The following EIF2S1 variants were observed in gnomAD, a reference collection of about 807,000 sequenced individuals.
The protein encoded by EIF2S1 is eukaryotic translation initiation factor 2 subunit 1.
A neutral mutation model predicts 33.5 loss-of-function variants in EIF2S1; 5 were observed. That is an observed-to-expected ratio of 0.15 (90% CI 0.08 to 0.31). The LOEUF (loss-of-function observed/expected upper bound fraction) is 0.31, where lower values mean the gene tolerates loss of function less well. EIF2S1 is among the 10% of genes least tolerant of loss of function. The probability of loss-of-function intolerance (pLI) is 1.00; values close to 1 mark genes in which losing one functional copy is unlikely to be tolerated. For missense variants in EIF2S1, 191 were observed against 384.6 expected (o/e 0.50, Z 4.21); for synonymous variants, 99 against 127.5 (o/e 0.78, Z 1.51).
chr14:67,372,619 A>G (rs530791755), intron 2 of EIF2S1, among the ~76,000 whole-genome samples: 45 of 152,336 alleles, frequency 3.0e-4, no homozygotes, highest in African/African-American at 1.0e-3. Context: ...TCATGAGGTC[A>G]GGAGATTGAG....
intron 2 of EIF2S1, among the ~76,000 whole-genome samples, chr14:67,370,825 A>G (rs1016688159): frequency 1.2e-4 from 19 of 152,160 alleles, no homozygotes; most frequent in African/African-American, 4.3e-4. Flanking sequence ...CAGGAGTTCA[A>G]GACCAGCCTG....
chr14:67,365,097 T>TA (rs879002099), intron 2 of EIF2S1, 89 bp downstream of exon 2: 4,559 of 1,211,348 alleles, frequency 3.8e-3, no homozygotes, highest in Middle Eastern at 5.1e-3. Flanking sequence ...AGCTGCAGCT[T>TA]AAAAAAAAAA....
In EIF2S1 at chr14:67,382,485, G is replaced by A. The variant is rs1803529; in HGVS notation, c.717G>A (p.Thr239=). ...LIAPPRYVMT[T]TTLERTEGLS... is the part of the protein sequence containing the mutation. ...CTCCTCCTCGGTATGTAATGACTAC[G>A]ACAACCCTGGAGAGAACAGAAGGCC... Residue 239 remains threonine (T), a synonymous_variant, in exon 7 of 8, where the codon ACG becomes ACA. Transcript: ENST00000256383. 10 of 1,613,368 alleles carry A rather than the reference G, an allele frequency of 6.2e-6. No individual in the cohort carries two copies. Among genetic ancestry groups the A allele is most frequent in the African/African-American group, 5.3e-5 (4 of 74,814 alleles).
Position 67,368,085 on chromosome 14 carries a change from G to C in EIF2S1, c.241+3077G>C, listed in dbSNP as rs180758191. Among the ~76,000 whole-genome samples, 51 of 152,282 alleles carry C rather than the reference G, an allele frequency of 3.3e-4. No homozygotes were observed. In the East Asian group the frequency reaches 9.6e-3, roughly 29 times the overall value. On this transcript the variant is annotated intron_variant, in intron 2 of 7. Transcript: ENST00000256383. Reference sequence around the variant, plus strand: ...TATATTGCCTGAGAGAAGGGGGCTTGATGTGCCATGCAGGGCCACATGGGG... The same window carrying C: ...TATATTGCCTGAGAGAAGGGGGCTTCATGTGCCATGCAGGGCCACATGGGG...
At chr14:67,373,885 G>A (rs538544098) in intron 2 of EIF2S1, among the ~76,000 whole-genome samples, 153 of 148,008 alleles carry the variant, frequency 1.0e-3, no homozygotes, top group Non-Finnish European at 1.8e-3. Flanking sequence ...CTTCTGTGAC[G>A]ATAGCCTCTT....
rs2085906148 is a variant in EIF2S1 at position 67,384,262 on chromosome 14, A to G, written c.*822A>G. ...GCTGCATTTTTTATTTAGTTGGAAT[A>G]TCACCCAATTTTTTATTTTTATTGC... On this transcript the variant is annotated 3_prime_UTR_variant, in exon 8 of 8. Transcript: ENST00000256383. 6.6e-6 allele frequency: 1 copy of G among 152,056 alleles called. No homozygotes were observed. Among genetic ancestry groups the G allele is most frequent in the Non-Finnish European group, 1.5e-5 (1 of 68,004 alleles). The allele number at this position is 152,056 out of a possible 1,614,324, so 9.4% of individuals were successfully genotyped here.
At chr14:67,367,132 T>C (rs1406107757) in intron 2 of EIF2S1, among the ~76,000 whole-genome samples, 3 of 152,172 alleles carry the variant, frequency 2.0e-5, no homozygotes, top group South Asian at 2.1e-4. Flanking sequence ...GGTAGCCTAA[T>C]AGGGGAAAAA....
chr14:67,367,852 G>C (rs1420528389), intron 2 of EIF2S1, among the ~76,000 whole-genome samples: 1 of 151,970 alleles, frequency 6.6e-6, no homozygotes, highest in African/African-American at 2.4e-5. Flanking sequence ...AAAAAAGAGA[G>C]AGGTGAAGGA....
chr14:67,364,164 A>T (rs904492901), intron 1 of EIF2S1: 1 of 152,230 alleles, frequency 6.6e-6, no homozygotes, highest in Non-Finnish European at 1.5e-5. Context: ...TGTGAATTCA[A>T]GGAAAAAGAA....
chr14:67,382,875 A>G (rs2085895565), intron 7 of EIF2S1, among the ~76,000 whole-genome samples: 1 of 151,698 alleles, frequency 6.6e-6, no homozygotes, highest in Admixed American at 6.6e-5. Flanking sequence ...TTCCTTGTCC[A>G]ACAAGAAAGA....
chr14:67,383,437 T>C lies in EIF2S1; in HGVS notation c.945T>C (p.Asp315=), dbSNP rs1566618681. Residue 315 remains aspartate, a synonymous_variant, in exon 8 of 8, where the codon GAT becomes GAC. Transcript: ENST00000256383. ...DAEEMEAKAE[D] is the part of the protein sequence containing the mutation. ...AAGAAATGGAAGCCAAAGCTGAAGA[T>C]TAACTTTGTGGGAAACAGAGTCCAA... 1 of 1,613,014 alleles carries C rather than the reference T, an allele frequency of 6.2e-7. No individual in the cohort carries two copies. Among genetic ancestry groups the C allele is most frequent in the Admixed American group, 1.7e-5 (1 of 59,968 alleles).
intron 4 of EIF2S1, among the ~76,000 whole-genome samples, chr14:67,378,514 G>C (rs2085869796): frequency 6.6e-6 from 1 of 152,116 alleles, no homozygotes; most frequent in African/African-American, 2.4e-5. Context: ...CATAGAGCCA[G>C]GCAGTATTCA....
chr14:67,381,650 G>T lies in EIF2S1; in HGVS notation c.638G>T (p.Arg213Ile). ...ATTGATGCTGTAAAAGAAGCCCTAA[G>T]AGCAGGTTTGAATTGTTCTACAGAA... ...EGIDAVKEALRAGLNCSTENM... is the reference protein window; with the variant it reads ...EGIDAVKEALIAGLNCSTENM... Residue 213 changes from arginine to isoleucine, a missense_variant, in exon 6 of 8, where the codon AGA becomes ATA. Coordinates refer to ENST00000256383, the MANE Select transcript of EIF2S1 (RefSeq NM_004094.5). 1 of 1,613,570 alleles carries T rather than the reference G, an allele frequency of 6.2e-7. No individual in the cohort carries two copies. The highest frequency in any genetic ancestry group is 1.1e-5 in the South Asian group (1 of 91,040).
chr14:67,374,427 C>A, intron 2 of EIF2S1, 41 bp from the exon 3 acceptor site: 1 of 1,302,602 alleles, frequency 7.7e-7, no homozygotes, highest in Non-Finnish European at 1.1e-6. Flanking sequence ...AGTACAGTGG[C>A]ATCTGGACAG....
chr14:67,373,958 A>C (rs552905914), intron 2 of EIF2S1, among the ~76,000 whole-genome samples: 6 of 152,228 alleles, frequency 3.9e-5, no homozygotes, highest in Non-Finnish European at 8.8e-5. Flanking sequence ...AGGAAGAAAT[A>C]GGGGAAAGAT....
At chr14:67,361,540 G>T (rs567733242) in intron 1 of EIF2S1, among the ~76,000 whole-genome samples, 3 of 152,322 alleles carry the variant, frequency 2.0e-5, no homozygotes, top group African/African-American at 7.2e-5. Context: ...GAATTATCAC[G>T]AGAGTTGTCC....
intron 3 of EIF2S1, 139 bp from the exon 4 acceptor site, chr14:67,376,300 T>A: frequency 6.9e-6 from 6 of 873,798 alleles, no homozygotes; most frequent in Non-Finnish European, 8.4e-6. Context: ...TTATACCCAC[T>A]TAAAGTGAGT....
At position 67,371,369 on chromosome 14, in the gene EIF2S1, G is replaced by T. The variant is rs115882420; in HGVS notation, c.242-3099G>T. Among the ~76,000 whole-genome samples the T allele has an allele frequency of 9.5e-3, 1,447 of 151,898 alleles. 16 individuals are homozygous for T. Among genetic ancestry groups the T allele is most frequent in the African/African-American group, 0.029 (1,183 of 41,382 alleles). ...CAGGAGTTTGAGGCTGTAGTGAGCT[G>T]TGATCACACTGCTGTATTACAGCCT... On this transcript the variant is annotated intron_variant, in intron 2 of 7. Transcript: ENST00000256383.
intron 2 of EIF2S1, among the ~76,000 whole-genome samples, chr14:67,370,994 A>G (rs1595646213): frequency 1.3e-5 from 2 of 151,780 alleles, no homozygotes; most frequent in East Asian, 3.9e-4. Context: ...ATGCCACTAC[A>G]CTCCAGCCTG....
Sources: allele counts gnomAD v4.1 joint callset (sites outside exome capture counted in the v4.1 genomes callset), GRCh38; gene constraint gnomAD v4.1.1; transcripts MANE v1.5; gene names NCBI Gene and HGNC (gene_info 2026-07-23, HGNC 2026-07-21).